Variants in CAMK2D observed in about 807,000 individuals in gnomAD.
The protein encoded by CAMK2D is calcium/calmodulin dependent protein kinase II delta.
In CAMK2D, 37 loss-of-function variants were observed where a neutral mutation model predicts 84.0. That is an observed-to-expected ratio of 0.44 (90% CI 0.34 to 0.58). CAMK2D has a LOEUF of 0.58. CAMK2D is among the 20% of genes least tolerant of loss of function. The pLI is 0.02. For synonymous variants in CAMK2D, 202 were observed against 212.5 expected (o/e 0.95, Z 0.43); for missense variants, 448 against 652.5 (o/e 0.69, Z 3.41).
rs545016057 is a variant in CAMK2D at position 113,477,331 on chromosome 4, A to C, written c.1136-11727T>G. 3.3e-5 allele frequency among the ~76,000 whole-genome samples: 5 copies of C among 152,368 alleles called. No individual in the cohort carries two copies. In the East Asian group the frequency reaches 9.6e-4, roughly 29 times the overall value. ...TACCAGAAATTACTAAATGATTCAC[A>C]GTAACACATGCTTTTTAATAAAGGA... On this transcript the variant is annotated intron_variant, in intron 16 of 20. Coordinates refer to ENST00000511664, the MANE Select transcript of CAMK2D (RefSeq NM_001321571.2).
chr4:113,630,288 T>C (rs562463833), intron 3 of CAMK2D, among the ~76,000 whole-genome samples: 1 of 152,322 alleles, frequency 6.6e-6, no homozygotes, highest in East Asian at 1.9e-4. Context: ...AAATGCATGT[T>C]TATGGCTAGT....
intron 12 of CAMK2D, among the ~76,000 whole-genome samples, chr4:113,512,272 T>A (rs2098224771): frequency 6.6e-6 from 1 of 152,198 alleles, no homozygotes; most frequent in African/African-American, 2.4e-5. Flanking sequence ...AAGAAGGAGG[T>A]TGCAAAACTC....
chr4:113,674,505 T>A (rs999485096), intron 2 of CAMK2D, among the ~76,000 whole-genome samples: 1 of 152,108 alleles, frequency 6.6e-6, no homozygotes, highest in Admixed American at 6.6e-5. Flanking sequence ...TGCCCACAGT[T>A]TACAAGGAAG....
At chr4:113,504,554 C>A (rs1421070153) in intron 14 of CAMK2D, among the ~76,000 whole-genome samples, 1 of 152,148 alleles carries the variant, frequency 6.6e-6, no homozygotes, top group Non-Finnish European at 1.5e-5. Flanking sequence ...TGTTGTCTAG[C>A]AACAATCCCA....
intron 16 of CAMK2D, among the ~76,000 whole-genome samples, chr4:113,480,856 G>A (rs889449373): frequency 5.9e-5 from 9 of 151,960 alleles, no homozygotes; most frequent in Non-Finnish European, 1.0e-4. Flanking sequence ...CAAAAAAAGG[G>A]CTTGAGGGAT....
At chr4:113,464,433 CTATT>C (rs1185851530) in intron 17 of CAMK2D, among the ~76,000 whole-genome samples, 1 of 152,086 alleles carries the variant, frequency 6.6e-6, no homozygotes, top group African/African-American at 2.4e-5. Flanking sequence ...CACGTTTTAT[CTATT>C]TAGGTATAAT....
chr4:113,550,032 A>G (rs1261945979), intron 5 of CAMK2D, among the ~76,000 whole-genome samples: 1 of 152,224 alleles, frequency 6.6e-6, no homozygotes, highest in African/African-American at 2.4e-5. Context: ...AACAACAAGC[A>G]TAAATTATTG....
chr4:113,683,523 C>T (rs1308969263), intron 2 of CAMK2D, among the ~76,000 whole-genome samples: 2 of 152,026 alleles, frequency 1.3e-5, no homozygotes, highest in East Asian at 1.9e-4. Flanking sequence ...TTAAGTGCTA[C>T]GGAAACACAG....
chr4:113,675,651 G>GA (rs1350628484), intron 2 of CAMK2D, among the ~76,000 whole-genome samples: 14 of 147,118 alleles, frequency 9.5e-5, no homozygotes, highest in South Asian at 4.3e-4. Flanking sequence ...ATCTCTGAAA[G>GA]AAAAAAAAAA....
At chr4:113,462,535 G>A (rs933172415) in intron 17 of CAMK2D, among the ~76,000 whole-genome samples, 4 of 152,032 alleles carry the variant, frequency 2.6e-5, no homozygotes, top group African/African-American at 9.7e-5. Flanking sequence ...AAGCCCTGTT[G>A]GATTAGCTCT....
intron 4 of CAMK2D, among the ~76,000 whole-genome samples, chr4:113,575,454 A>G (rs1406781567): frequency 6.6e-6 from 1 of 152,192 alleles, no homozygotes; most frequent in Admixed American, 6.5e-5. Context: ...TGAATTCTTA[A>G]ATATGCAAAA....
chr4:113,690,869 C>T lies in CAMK2D; in HGVS notation c.161-29097G>A, dbSNP rs187655391. On this transcript the variant is annotated intron_variant, in intron 2 of 20. Transcript: ENST00000511664. ...TTATTAGTTTCCACATAGTTTGGGG[C>T]CAGTTGTCTTCTCTTTCTGAACACT... Among the ~76,000 whole-genome samples the T allele has an allele frequency of 3.0e-3, 459 of 152,214 alleles. 1 individual carries two copies. The highest frequency in any genetic ancestry group is 0.01 in the African/African-American group (426 of 41,542).
chr4:113,565,360 C>CA lies in CAMK2D; in HGVS notation c.276-13265dup, dbSNP rs531376618. Among the ~76,000 whole-genome samples, 448 of 151,436 alleles carry CA rather than the reference C, an allele frequency of 3.0e-3. 2 individuals are homozygous for CA. The highest frequency in any genetic ancestry group is 4.1e-3 in the African/African-American group (170 of 41,350). The stretch of plus-strand genomic sequence containing the variant: ...AGAAGAGTTACTTTCACGCAGAAGT[C>CA]AAAAAAAAGGCTGGCCATGGTGGCT... On this transcript the variant is annotated intron_variant, in intron 4 of 20. Coordinates refer to ENST00000511664, the MANE Select transcript of CAMK2D (RefSeq NM_001321571.2).
rs561362440 is a variant in CAMK2D, at chr4:113,596,248, C to T, written c.275+12904G>A. Among the ~76,000 whole-genome samples the T allele has an allele frequency of 3.3e-5, 5 of 152,312 alleles. No homozygotes were observed. The East Asian group carries it at 9.6e-4, about 29-fold the overall frequency. On this transcript the variant is annotated intron_variant, in intron 4 of 20. Coordinates refer to ENST00000511664, the MANE Select transcript of CAMK2D (RefSeq NM_001321571.2). ...TGCAGATTACACTTCCAGTTATAGT[C>T]TTCATGCTATTTTCACATCTGCAGT...
At chr4:113,729,652 G>A (rs2099556930) in intron 2 of CAMK2D, among the ~76,000 whole-genome samples, 1 of 152,078 alleles carries the variant, frequency 6.6e-6, no homozygotes, top group African/African-American at 2.4e-5. Context: ...CTTTATCTTT[G>A]CTGCACTGAA....
At chr4:113,759,788 T>C (rs952395794) in intron 1 of CAMK2D, among the ~76,000 whole-genome samples, 3 of 152,200 alleles carry the variant, frequency 2.0e-5, no homozygotes, top group African/African-American at 7.2e-5. Flanking sequence ...CTACTTATTT[T>C]GGTAGGAAAC....
In CAMK2D at chr4:113,751,781, A is replaced by G. The variant is rs529403562; in HGVS notation, c.160+7539T>C. 1.3e-3 allele frequency among the ~76,000 whole-genome samples: 204 copies of G among 152,276 alleles called. 1 individual carries two copies. The highest frequency in any genetic ancestry group is 4.7e-3 in the African/African-American group (194 of 41,538). On this transcript the variant is annotated intron_variant, in intron 2 of 20. Transcript: ENST00000511664. ...CGAGACTCTGTCTCAAAATAAATAA[A>G]TAAATAATTTTAAAAAAAATTTTAT... is the stretch of plus-strand genomic sequence containing the variant.
chr4:113,517,313 A>G (rs1178903175), intron 9 of CAMK2D, among the ~76,000 whole-genome samples: 2 of 152,182 alleles, frequency 1.3e-5, no homozygotes, highest in African/African-American at 4.8e-5. Flanking sequence ...TAAGGTCCAA[A>G]TATTTTGACA....
chr4:113,692,323 A>C (rs1364960554), intron 2 of CAMK2D, among the ~76,000 whole-genome samples: 3 of 147,946 alleles, frequency 2.0e-5, no homozygotes, highest in Non-Finnish European at 4.6e-5. Context: ...ATATGGCCAT[A>C]ATTTTCTAAG....
Sources: gnomAD v4.1 joint callset for allele counts (sites outside exome capture counted in the v4.1 genomes callset) on GRCh38, gnomAD v4.1.1 for gene constraint, MANE v1.5 for transcripts, NCBI Gene and HGNC (gene_info 2026-07-23, HGNC 2026-07-21) for gene names.